Variants in JMJD1C observed in about 807,000 individuals in gnomAD.
JMJD1C encodes the protein jumonji domain containing 1C.
JMJD1C carries 31 observed loss-of-function variants against 245.3 expected under a neutral mutation model. The ratio of observed to expected loss-of-function variants is 0.13; its 90% CI spans 0.09 to 0.17. JMJD1C has a LOEUF of 0.17. Ranked by LOEUF, JMJD1C falls within the 10% of genes least tolerant of loss-of-function variation. The pLI, the probability that JMJD1C is intolerant of heterozygous loss-of-function variation, is 1.00. For synonymous variants in JMJD1C, 1,057 were observed against 1,017.4 expected, an observed-to-expected ratio of 1.04 and a Z score of -0.74; for missense variants, 2,691 against 3,000.2, an observed-to-expected ratio of 0.90 and a Z score of 2.41.
rs189437175 is a variant in JMJD1C, at chr10:63,217,696, A to G, written c.554-365T>C. On this transcript the variant is annotated intron_variant, in intron 4 of 25. Transcript: ENST00000399262. Reference sequence around the variant, plus strand: ...GTAGATGACTACATGGTTGAAACAGAAAGATTAACTTGCAACTTGATGTTT... The same window carrying G: ...GTAGATGACTACATGGTTGAAACAGGAAGATTAACTTGCAACTTGATGTTT... 317 of 154,578 alleles carry G rather than the reference A, an allele frequency of 2.1e-3. 1 individual carries two copies. The highest frequency in any genetic ancestry group is 3.5e-3 in the South Asian group (17 of 4,864). The allele number at this position is 154,578 out of a possible 1,614,324, so 9.6% of individuals were successfully genotyped here. A position where few individuals can be genotyped will look rare whatever the true frequency, so the allele number is the denominator to read the frequency against.
intron 5 of JMJD1C, among the ~76,000 whole-genome samples, chr10:63,216,359 T>C (rs1847975357): frequency 6.6e-6 from 1 of 151,754 alleles, no homozygotes; most frequent in Admixed American, 6.6e-5. Flanking sequence ...AAATGAGTAT[T>C]TTTTGTATTA....
At chr10:63,472,950 A>G (rs529317265) in intron 1 of JMJD1C, among the ~76,000 whole-genome samples, 23 of 151,934 alleles carry the variant, frequency 1.5e-4, no homozygotes, top group African/African-American at 5.1e-4. Context: ...ACGCCCAGCT[A>G]ATTTTTGTAT....
In JMJD1C at chr10:63,284,857, T is replaced by TCACA. The variant is rs57860875; in HGVS notation, c.334-20097_334-20094dup. 4.9e-3 allele frequency among the ~76,000 whole-genome samples: 661 copies of TCACA among 135,450 alleles called. 6 individuals are homozygous for TCACA. Among genetic ancestry groups the TCACA allele is most frequent in the African/African-American group, 5.8e-3 (208 of 35,584 alleles). 88.9% of individuals were successfully genotyped at this position (135,450 alleles called of 152,430 possible). ...GATGCCATTCCCTGGCAGGGAAGAT[T>TCACA]CACACACACACACACACACACACAC... On this transcript the variant is annotated intron_variant, in intron 2 of 25. Transcript: ENST00000399262.
chr10:63,388,095 C>A (rs1450313243), intron 1 of JMJD1C, among the ~76,000 whole-genome samples: 2 of 152,020 alleles, frequency 1.3e-5, no homozygotes, highest in African/African-American at 2.4e-5. Context: ...ATGAAAACTT[C>A]GCAAGGCTGG....
At chr10:63,311,218 A>AC (rs1312320331) in intron 2 of JMJD1C, among the ~76,000 whole-genome samples, 2 of 151,664 alleles carry the variant, frequency 1.3e-5, no homozygotes, top group African/African-American at 4.8e-5. Context: ...TAAAAAAAAA[A>AC]AAAAAAACAA....
Position 63,402,527 on chromosome 10 carries a change from T to C in JMJD1C, c.169-22045A>G, listed in dbSNP as rs143946959. On this transcript the variant is annotated intron_variant, in intron 1 of 25. Coordinates refer to ENST00000399262, the MANE Select transcript of JMJD1C (RefSeq NM_032776.3). Reference sequence around the variant, plus strand: ...CATTCCCAAAAGCTGTGCAGTCAAGTAGCTGTTTTCTTCATGCCACTTTGG... The same window carrying C: ...CATTCCCAAAAGCTGTGCAGTCAAGCAGCTGTTTTCTTCATGCCACTTTGG... Among the ~76,000 whole-genome samples the C allele has an allele frequency of 1.4e-4, 22 of 152,306 alleles. No individual in the cohort carries two copies. In the East Asian group the frequency reaches 3.7e-3, roughly 25 times the overall value.
intron 2 of JMJD1C, chr10:63,268,883 C>T: frequency 1.0e-6 from 1 of 985,830 alleles, no homozygotes; most frequent in South Asian, 4.7e-5. Context: ...GCCAAGACCA[C>T]AGAACGAAGC....
intron 1 of JMJD1C, among the ~76,000 whole-genome samples, chr10:63,389,656 A>G (rs1275053526): frequency 6.6e-6 from 1 of 152,104 alleles, no homozygotes; most frequent in Non-Finnish European, 1.5e-5. Context: ...GGACACAAAT[A>G]GAGTCTCAAC....
At chr10:63,215,491 C>G in intron 6 of JMJD1C, 36 bp from the exon 7 acceptor site, 1 of 1,612,054 alleles carries the variant, frequency 6.2e-7, no homozygotes, top group Non-Finnish European at 8.5e-7. Flanking sequence ...TGTTTACTAC[C>G]TGGTTTCTAC....
At chr10:63,364,633 G>A (rs1185341870) in intron 2 of JMJD1C, among the ~76,000 whole-genome samples, 2 of 151,964 alleles carry the variant, frequency 1.3e-5, no homozygotes, top group African/African-American at 4.8e-5. Flanking sequence ...CTACAGGAAG[G>A]CACCACTACA....
intron 1 of JMJD1C, among the ~76,000 whole-genome samples, chr10:63,420,988 C>T (rs1210667241): frequency 2.0e-5 from 3 of 151,964 alleles, no homozygotes; most frequent in Admixed American, 6.6e-5. Flanking sequence ...AAAATCCCAA[C>T]AAGACAAAAA....
intron 1 of JMJD1C, among the ~76,000 whole-genome samples, chr10:63,433,204 C>T (rs946157759): frequency 6.6e-6 from 1 of 152,034 alleles, no homozygotes; most frequent in Non-Finnish European, 1.5e-5. Context: ...TCAAGCGATT[C>T]TCCTGCCTCA....
chr10:63,372,060 A>G (rs541327402), intron 2 of JMJD1C, among the ~76,000 whole-genome samples: 6 of 152,352 alleles, frequency 3.9e-5, no homozygotes, highest in Admixed American at 2.6e-4. Flanking sequence ...ACCAACTTTG[A>G]TAACTGCTGG....
chr10:63,201,682 T>G (rs1304996719), intron 10 of JMJD1C, among the ~76,000 whole-genome samples: 2 of 152,028 alleles, frequency 1.3e-5, no homozygotes, highest in African/African-American at 4.8e-5. Context: ...GTAATCCCAG[T>G]ACTTTGGGAG....
At chr10:63,513,683 C>A (rs927359597) in intron 1 of JMJD1C, among the ~76,000 whole-genome samples, 4 of 152,134 alleles carry the variant, frequency 2.6e-5, no homozygotes, top group Non-Finnish European at 5.9e-5. Flanking sequence ...GAGGCCGAGA[C>A]AGGCGGATCA....
chr10:63,499,135 T>C (rs1161435193), intron 1 of JMJD1C, among the ~76,000 whole-genome samples: 1 of 152,210 alleles, frequency 6.6e-6, no homozygotes, highest in Non-Finnish European at 1.5e-5. Flanking sequence ...ACATCTAGGT[T>C]GATTCCACAT....
At chr10:63,320,483 C>T (rs1217512006) in intron 2 of JMJD1C, among the ~76,000 whole-genome samples, 1 of 152,012 alleles carries the variant, frequency 6.6e-6, no homozygotes, top group Non-Finnish European at 1.5e-5. Flanking sequence ...TCACTGTCAG[C>T]CCCATTGAGC....
At chr10:63,198,274 T>C (rs1845667539) in intron 12 of JMJD1C, among the ~76,000 whole-genome samples, 1 of 152,216 alleles carries the variant, frequency 6.6e-6, no homozygotes, top group African/African-American at 2.4e-5. Flanking sequence ...ACACATTAAC[T>C]TAATGTTGTA....
intron 16 of JMJD1C, among the ~76,000 whole-genome samples, chr10:63,191,982 T>C: frequency 7.3e-5 from 1 of 13,658 alleles, no homozygotes; most frequent in African/African-American, 3.7e-4. Context: ...AGACTCTGTC[T>C]CAAAAAAAAA....
Sources: gnomAD v4.1 joint callset for allele counts (sites outside exome capture counted in the v4.1 genomes callset) on GRCh38, gnomAD v4.1.1 for gene constraint, MANE v1.5 for transcripts, NCBI Gene and HGNC (gene_info 2026-07-23, HGNC 2026-07-21) for gene names.